The following AKT2 variants were observed in gnomAD, a reference collection of about 807,000 sequenced individuals.
AKT2 encodes AKT serine/threonine kinase 2.
AKT2 carries 16 observed loss-of-function variants against 58.6 expected under a neutral mutation model. That is an observed-to-expected ratio of 0.27 (90% CI 0.18 to 0.41). The LOEUF (loss-of-function observed/expected upper bound fraction) is 0.41. AKT2 is among the 10% of genes least tolerant of loss of function. The pLI, the probability that AKT2 is intolerant of heterozygous loss-of-function variation, is 1.00. For missense variants in AKT2, 438 were observed against 661.0 expected, an observed-to-expected ratio of 0.66 and a Z score of 3.70; for synonymous variants, 253 against 254.0, an observed-to-expected ratio of 1.00 and a Z score of 0.04.
Position 40,234,962 on chromosome 19 carries a change from C to T in AKT2, c.1366+83G>A. 1.6e-6 allele frequency: 2 copies of T among 1,283,976 alleles called. No individual in the cohort carries two copies. The highest frequency in any genetic ancestry group is 2.3e-6 in the Non-Finnish European group (2 of 885,152). The allele number at this position is 1,283,976 out of a possible 1,614,324, so 79.5% of individuals were successfully genotyped here. A position where few individuals can be genotyped will look rare whatever the true frequency, so the allele number is the denominator to read the frequency against. On this transcript the variant is annotated intron_variant, in intron 13 of 13. Coordinates refer to ENST00000392038, the MANE Select transcript of AKT2 (RefSeq NM_001626.6). This position sits in a 1 kb window ranked among gnomAD's most constrained non-coding sequence, Gnocchi z 4.7. ...CATGAAGCGGGGGCCTTCGAGGGCCCTCCTTGAGAAGTGAGTTAAGAGCAG... is the reference window on the plus strand; with the variant it reads ...CATGAAGCGGGGGCCTTCGAGGGCCTTCCTTGAGAAGTGAGTTAAGAGCAG...
At chr19:40,267,698 A>G (rs911323402) in intron 1 of AKT2, among the ~76,000 whole-genome samples, 2 of 152,218 alleles carry the variant, frequency 1.3e-5, no homozygotes, top group African/African-American at 4.8e-5. Flanking sequence ...CCAGGGACAC[A>G]CTACCAGACT....
chr19:40,244,092 T>TAAA (rs1270553494), intron 4 of AKT2: 6 of 134,194 alleles, frequency 4.5e-5, no homozygotes, highest in Non-Finnish European at 9.7e-5. Flanking sequence ...ATAATAATAA[T>TAAA]AAAATAAAGA....
intron 9 of AKT2, chr19:40,236,617 G>A (rs1461091974): frequency 1.7e-5 from 10 of 591,148 alleles, no homozygotes; most frequent in Admixed American, 5.6e-5. Context: ...AGGGAGAGCC[G>A]AGAGCCAGGC....
At chr19:40,265,155 A>C (rs1344032953) in intron 2 of AKT2, 67 bp downstream of exon 2, 9 of 1,580,528 alleles carry the variant, frequency 5.7e-6, no homozygotes, top group Middle Eastern at 3.6e-4. Context: ...TCTGCCTCTC[A>C]GGGCACAGCT....
rs1973647856 is a variant in AKT2, at chr19:40,230,423, G to A, written c.*3449C>T. Reference sequence around the variant, plus strand: ...AAGCGGTTGAGGGGTCTACCCCATGGAACCCCAGGAAGCAGCTGGAAAGCC... The same window carrying A: ...AAGCGGTTGAGGGGTCTACCCCATGAAACCCCAGGAAGCAGCTGGAAAGCC... On this transcript the variant is annotated 3_prime_UTR_variant, in exon 14 of 14. Coordinates refer to ENST00000392038, the MANE Select transcript of AKT2 (RefSeq NM_001626.6). The A allele has an allele frequency of 8.9e-6, 2 of 224,858 alleles. No homozygotes were observed. Among genetic ancestry groups the A allele is most frequent in the African/African-American group, 4.5e-5 (2 of 44,780 alleles). The allele number at this position is 224,858 out of a possible 1,614,324, so 13.9% of individuals were successfully genotyped here.
intron 1 of AKT2, chr19:40,265,569 C>T (rs1424803646): frequency 8.7e-6 from 5 of 577,494 alleles, no homozygotes; most frequent in East Asian, 3.4e-5. Context: ...CAGAGCTCCC[C>T]GGCCTAAGCG....
intron 7 of AKT2, 131 bp from the exon 8 acceptor site, chr19:40,239,104 G>T (rs571828040): frequency 1.1e-4 from 89 of 797,126 alleles, no homozygotes; most frequent in Non-Finnish European, 1.7e-4. Flanking sequence ...CCAGGAGTCA[G>T]CCATATGGGG....
chr19:40,265,157 G>T, intron 2 of AKT2, 65 bp downstream of exon 2: 1 of 1,582,500 alleles, frequency 6.3e-7, no homozygotes, highest in Non-Finnish European at 8.6e-7. Context: ...TGCCTCTCAG[G>T]GCACAGCTTT....
At chr19:40,257,142 G>A in intron 2 of AKT2, 88 bp from the exon 3 acceptor site, 2 of 1,521,386 alleles carry the variant, frequency 1.3e-6, no homozygotes, top group South Asian at 1.1e-5. Context: ...GTGTGACGGT[G>A]ACTCACAAGG....
At chr19:40,249,112 G>A (rs1445566278) in intron 4 of AKT2, among the ~76,000 whole-genome samples, 6 of 152,108 alleles carry the variant, frequency 3.9e-5, no homozygotes, top group African/African-American at 1.2e-4. Flanking sequence ...AGACCGCTCC[G>A]GCCTCTACGT....
At chr19:40,254,604 G>A (rs534154254) in intron 4 of AKT2, among the ~76,000 whole-genome samples, 9 of 151,874 alleles carry the variant, frequency 5.9e-5, no homozygotes, top group Non-Finnish European at 1.3e-4. Context: ...GAGGCAGGCG[G>A]ATCACCTGAG....
In AKT2 at chr19:40,265,309, A is replaced by G. The variant is rs1409103277; in HGVS notation, c.-42T>C. 1 of 1,605,224 alleles carries G rather than the reference A, an allele frequency of 6.2e-7. No individual in the cohort carries two copies. The highest frequency in any genetic ancestry group is 8.5e-7 in the Non-Finnish European group (1 of 1,175,798). On this transcript the variant is annotated 5_prime_UTR_variant, in exon 2 of 14. Coordinates refer to ENST00000392038, the MANE Select transcript of AKT2 (RefSeq NM_001626.6). The stretch of plus-strand genomic sequence containing the variant: ...GCTGTCACCTAGCTCGGGACAGCTC[A>G]GGGCAGCAGGACATGCAGGAGGCAC...
At position 40,242,741 on chromosome 19, in the gene AKT2, C is replaced by T. The variant is rs35948893; in HGVS notation, c.288-54G>A. 22,910 of 1,595,360 alleles carry T rather than the reference C, an allele frequency of 0.014. 235 individuals are homozygous for T. The highest frequency in any genetic ancestry group is 0.042 in the Middle Eastern group (249 of 5,998). On this transcript the variant is annotated intron_variant, in intron 4 of 13. Transcript: ENST00000392038. This position sits in a 1 kb window ranked among gnomAD's most constrained non-coding sequence, Gnocchi z 4.3. ...AGCCAGGAGTCCTGGGCCTCAGAGT[C>T]GAACAGCTGAGTGCCACCTCCCAGC... is the stretch of plus-strand genomic sequence containing the variant.
chr19:40,239,090 G>A, intron 7 of AKT2, 117 bp from the exon 8 acceptor site: 1 of 996,824 alleles, frequency 1.0e-6, no homozygotes, highest in South Asian at 1.5e-5. Flanking sequence ...CCTGGCTGGG[G>A]CCCCCAGGAG....
intron 1 of AKT2, chr19:40,282,500 T>C (rs1274242510): frequency 3.8e-6 from 2 of 524,606 alleles, no homozygotes; most frequent in African/African-American, 1.9e-5. Flanking sequence ...CAAGAAATGC[T>C]GGACTGGCTG....
At chr19:40,244,032 A>C (rs1974580201) in intron 4 of AKT2, 2 of 148,418 alleles carry the variant, frequency 1.3e-5, no homozygotes, top group Admixed American at 6.8e-5. Context: ...CAACAGTGCG[A>C]GACTCCATCC....
Position 40,235,004 on chromosome 19 carries a change from C to T in AKT2, c.1366+41G>A. ...TAAGAGCAGATCCCATCCCTCCACC[C>T]CTGGGGCAGGCACACCAGCGCGGGG... On this transcript the variant is annotated intron_variant, in intron 13 of 13. Coordinates refer to ENST00000392038, the MANE Select transcript of AKT2 (RefSeq NM_001626.6). The surrounding 1 kb of genome is among the most constrained non-coding windows in gnomAD (Gnocchi z 6.3). The T allele has an allele frequency of 6.4e-7, 1 of 1,554,944 alleles. No individual in the cohort carries two copies. Among genetic ancestry groups the T allele is most frequent in the South Asian group, 1.1e-5 (1 of 89,884 alleles).
At chr19:40,272,082 A>G (rs954419457) in intron 1 of AKT2, among the ~76,000 whole-genome samples, 9 of 152,246 alleles carry the variant, frequency 5.9e-5, no homozygotes, top group African/African-American at 1.9e-4. Flanking sequence ...GCACATACCA[A>G]TATAACCCTC....
rs1974451425 is a variant in AKT2, at chr19:40,242,196, G to A, written c.442-127C>T. 1 of 1,364,240 alleles carries A rather than the reference G, an allele frequency of 7.3e-7. No homozygotes were observed. The highest frequency in any genetic ancestry group is 1.0e-6 in the Non-Finnish European group (1 of 981,516). 84.5% of individuals were successfully genotyped at this position (1,364,240 alleles called of 1,614,324 possible). A position where few individuals can be genotyped will look rare whatever the true frequency, so the allele number is the denominator to read the frequency against. ...AAACGGCTTAGGCTGGAGCAGGAAG[G>A]GAGGCTCTGGGCAGCAACTGTGTGT... On this transcript the variant is annotated intron_variant, in intron 5 of 13. Transcript: ENST00000392038. The surrounding 1 kb of genome is among the most constrained non-coding windows in gnomAD (Gnocchi z 4.3).
Sources: gnomAD v4.1 joint callset for allele counts (sites outside exome capture counted in the v4.1 genomes callset) on GRCh38, gnomAD v4.1.1 for gene constraint, Gnocchi (gnomAD v3.1) non-coding constraint, MANE v1.5 for transcripts, NCBI Gene and HGNC (gene_info 2026-07-23, HGNC 2026-07-21) for gene names.